Variants in APBB2 observed in about 807,000 individuals in gnomAD.
APBB2 encodes amyloid beta precursor protein binding family B member 2.
APBB2 carries 38 observed loss-of-function variants against 82.5 expected under a neutral mutation model. That is an observed-to-expected ratio of 0.46 (90% CI 0.36 to 0.60). APBB2 has a LOEUF of 0.60. Ranked by LOEUF, APBB2 falls within the 20% of genes least tolerant of loss-of-function variation. APBB2 has a pLI of 0.00. For missense variants in APBB2, 772 were observed against 972.3 expected (o/e 0.79, Z 2.74); for synonymous variants, 341 against 368.2 (o/e 0.93, Z 0.85).
chr4:40,982,597 C>T (rs1484385490), intron 6 of APBB2, among the ~76,000 whole-genome samples: 3 of 151,552 alleles, frequency 2.0e-5, no homozygotes, highest in Admixed American at 6.6e-5. Flanking sequence ...AGTGAAACCC[C>T]GTCTCTACCA....
At chr4:40,824,228 C>T (rs145533585) in intron 15 of APBB2, among the ~76,000 whole-genome samples, 9 of 152,102 alleles carry the variant, frequency 5.9e-5, no homozygotes, top group Non-Finnish European at 2.9e-5. Flanking sequence ...GGAGAAGCTC[C>T]GGGGACCTGG....
At chr4:40,988,921 G>T (rs551533834) in intron 6 of APBB2, among the ~76,000 whole-genome samples, 3 of 151,542 alleles carry the variant, frequency 2.0e-5, no homozygotes, top group Admixed American at 6.6e-5. Flanking sequence ...ATGCACCACC[G>T]CACTCAGATA....
At chr4:41,094,301 T>C (rs1011619090) in intron 3 of APBB2, among the ~76,000 whole-genome samples, 1 of 152,230 alleles carries the variant, frequency 6.6e-6, no homozygotes, top group Admixed American at 6.5e-5. Context: ...CATAGCTTTA[T>C]AGCCTCCAAA....
At chr4:41,201,013 A>G (rs1776559403) in intron 1 of APBB2, among the ~76,000 whole-genome samples, 1 of 152,152 alleles carries the variant, frequency 6.6e-6, no homozygotes, top group Non-Finnish European at 1.5e-5. Flanking sequence ...CCCCATCTGT[A>G]TTAGGAGATT....
chr4:41,025,082 C>T (rs73809442), intron 5 of APBB2, among the ~76,000 whole-genome samples: 9,613 of 152,152 alleles, frequency 0.063, 1,003 homozygotes, highest in African/African-American at 0.22. Flanking sequence ...GATGTTAATC[C>T]GCTGGGTCTG....
intron 2 of APBB2, among the ~76,000 whole-genome samples, chr4:41,128,815 T>C (rs996422467): frequency 1.3e-5 from 2 of 152,204 alleles, no homozygotes; most frequent in African/African-American, 4.8e-5. Flanking sequence ...TCCAGCCTCC[T>C]GGCTTCCCAA....
intron 3 of APBB2, among the ~76,000 whole-genome samples, chr4:41,089,555 C>T (rs1451543662): frequency 1.3e-5 from 2 of 152,126 alleles, no homozygotes; most frequent in East Asian, 3.8e-4. Flanking sequence ...TTATACACTT[C>T]ATGTTTATCC....
chr4:40,878,178 C>T (rs1767412644), intron 12 of APBB2, among the ~76,000 whole-genome samples: 3 of 152,166 alleles, frequency 2.0e-5, no homozygotes, highest in Admixed American at 2.0e-4. Context: ...AAAACCCCAT[C>T]TCTACTAAAA....
intron 5 of APBB2, among the ~76,000 whole-genome samples, chr4:41,021,962 G>A (rs932477866): frequency 1.3e-5 from 2 of 152,038 alleles, no homozygotes; most frequent in Non-Finnish European, 2.9e-5. Context: ...TGAAGTCAGC[G>A]AGACCATGAA....
At chr4:40,823,192 C>T (rs1407196611) in intron 16 of APBB2, among the ~76,000 whole-genome samples, 1 of 152,208 alleles carries the variant, frequency 6.6e-6, no homozygotes, top group Non-Finnish European at 1.5e-5. Flanking sequence ...ATTTCTTCAA[C>T]CACGAAACTG....
chr4:41,140,009 CT>C (rs1166952033), intron 2 of APBB2, among the ~76,000 whole-genome samples: 1 of 152,140 alleles, frequency 6.6e-6, no homozygotes. Flanking sequence ...CACATGGAAA[CT>C]TTCTGTACTT....
chr4:41,138,124 G>A (rs1395429228), intron 2 of APBB2: 1 of 152,002 alleles, frequency 6.6e-6, no homozygotes, highest in Non-Finnish European at 1.5e-5. Context: ...CCGAGATCAC[G>A]TCACTGCACT....
At chr4:41,131,798 G>A (rs1052733319) in intron 2 of APBB2, among the ~76,000 whole-genome samples, 5 of 152,134 alleles carry the variant, frequency 3.3e-5, no homozygotes, top group African/African-American at 9.7e-5. Context: ...CCAGCACTTT[G>A]GGAGGCCAAG....
chr4:40,982,332 AAG>A, intron 6 of APBB2, among the ~76,000 whole-genome samples: 1 of 10,096 alleles, frequency 9.9e-5, no homozygotes, highest in Non-Finnish European at 2.4e-4. Flanking sequence ...GAAAAGAAAG[AAG>A]GAAGGAAGGA....
At chr4:40,883,475 T>A (rs1374069883) in intron 12 of APBB2, among the ~76,000 whole-genome samples, 1 of 151,956 alleles carries the variant, frequency 6.6e-6, no homozygotes, top group Non-Finnish European at 1.5e-5. Context: ...TAATCCCAGC[T>A]ACTTGGGAGG....
intron 6 of APBB2, among the ~76,000 whole-genome samples, chr4:40,953,644 T>G (rs960854890): frequency 3.3e-5 from 5 of 152,158 alleles, no homozygotes; most frequent in African/African-American, 1.2e-4. Context: ...CCCATATATT[T>G]CTAAAACCCT....
At chr4:41,129,429 C>T (rs977955573) in intron 2 of APBB2, among the ~76,000 whole-genome samples, 1 of 152,208 alleles carries the variant, frequency 6.6e-6, no homozygotes, top group Non-Finnish European at 1.5e-5. Context: ...TCTCCCCTAC[C>T]TGTGTGCCTT....
intron 2 of APBB2, among the ~76,000 whole-genome samples, chr4:41,124,635 G>A (rs1753865872): frequency 6.6e-6 from 1 of 152,166 alleles, no homozygotes; most frequent in Non-Finnish European, 1.5e-5. Context: ...CATTTCTCAA[G>A]CTGGCTATTT....
chr4:40,879,532 G>A (rs1341804088), intron 12 of APBB2, among the ~76,000 whole-genome samples: 1 of 152,102 alleles, frequency 6.6e-6, no homozygotes, highest in Non-Finnish European at 1.5e-5. Context: ...AATAGCTCTA[G>A]GGAACTCTAT....
Sources: allele counts gnomAD v4.1 joint callset (sites outside exome capture counted in the v4.1 genomes callset), GRCh38; gene constraint gnomAD v4.1.1; transcripts MANE v1.5; gene names NCBI Gene and HGNC (gene_info 2026-07-23, HGNC 2026-07-21).